The following DICER1 variants were observed in gnomAD, a reference collection of about 807,000 sequenced individuals.
DICER1 encodes dicer 1, ribonuclease III.
Under a neutral mutation model 194.1 loss-of-function variants are expected in DICER1, and 43 were observed. The observed-to-expected ratio is 0.22, with a 90% CI of 0.17 to 0.29. DICER1 has a LOEUF of 0.29. DICER1 is among the 10% of genes least tolerant of loss of function. The pLI is 1.00. For synonymous variants in DICER1, 832 were observed against 820.5 expected (o/e 1.01, Z -0.24); for missense variants, 1,608 against 2,317.0 (o/e 0.69, Z 6.28).
intron 5 of DICER1, among the ~76,000 whole-genome samples, 187 bp from the exon 6 acceptor site, chr14:95,129,819 A>T (rs1462339954): frequency 6.6e-6 from 1 of 152,180 alleles, no homozygotes; most frequent in Non-Finnish European, 1.5e-5. Flanking sequence ...TGTTTAAAAG[A>T]TCTGTTTTTC....
At chr14:95,148,966 ACT>A (rs1178508841) in intron 1 of DICER1, among the ~76,000 whole-genome samples, 3 of 143,762 alleles carry the variant, frequency 2.1e-5, no homozygotes, top group Non-Finnish European at 4.4e-5. Context: ...ACAGGGTCTC[ACT>A]CTGTCTATTT....
chr14:95,113,001 T>A (rs1892111325), intron 12 of DICER1, 91 bp downstream of exon 12: 15 of 1,361,202 alleles, frequency 1.1e-5, no homozygotes, highest in Non-Finnish European at 1.5e-5. Context: ...AAAATCAAAT[T>A]TACCTATAAC....
Position 95,105,606 on chromosome 14 carries a change from T to C in DICER1, c.3093+72A>G, listed in dbSNP as rs1891344308. 8.5e-7 allele frequency: 1 copy of C among 1,174,768 alleles called. No individual in the cohort carries two copies. Among genetic ancestry groups the C allele is most frequent in the South Asian group, 1.3e-5 (1 of 78,130 alleles). 72.8% of individuals were successfully genotyped at this position (1,174,768 alleles called of 1,614,324 possible). A position where few individuals can be genotyped will look rare whatever the true frequency, so the allele number is the denominator to read the frequency against. On this transcript the variant is annotated intron_variant, in intron 19 of 26. Transcript: ENST00000343455. The surrounding 1 kb of genome is among the most constrained non-coding windows in gnomAD (Gnocchi z 4.9). Reference sequence around the variant, plus strand: ...ATGCATTTAACTTGGTAAGATAAAATTCAAACTTATCTTTAATAATCTTTA... The same window carrying C: ...ATGCATTTAACTTGGTAAGATAAAACTCAAACTTATCTTTAATAATCTTTA...
chr14:95,095,666 GGAAAA>G (rs1890238290), intron 23 of DICER1, 154 bp downstream of exon 23: 2 of 849,614 alleles, frequency 2.4e-6, no homozygotes, highest in Non-Finnish European at 1.9e-6. Context: ...CAAATAACAA[GGAAAA>G]GAATTCTTTC....
intron 13 of DICER1, 98 bp from the exon 14 acceptor site, chr14:95,111,554 T>A: frequency 3.9e-6 from 5 of 1,288,000 alleles, no homozygotes; most frequent in Non-Finnish European, 5.6e-6. Context: ...CCTGGAAAAG[T>A]AATGGAAACT....
chr14:95,144,586 A>G (rs1181378292), intron 1 of DICER1, among the ~76,000 whole-genome samples: 1 of 152,180 alleles, frequency 6.6e-6, no homozygotes, highest in East Asian at 1.9e-4. Context: ...TAAACTCTTA[A>G]AATTTTATGA....
At chr14:95,141,873 T>C in intron 1 of DICER1, 1 of 152,194 alleles carries the variant, frequency 6.6e-6, no homozygotes, top group African/African-American at 2.4e-5. Flanking sequence ...AGACAATGCA[T>C]GTCTAAAAGA....
intron 7 of DICER1, 104 bp downstream of exon 7, chr14:95,126,470 TAAACTA>T: frequency 1.4e-6 from 1 of 726,140 alleles, no homozygotes; most frequent in Non-Finnish European, 2.3e-6. Flanking sequence ...ATTAAGACCT[TAAACTA>T]AAATGCAAAG....
intron 14 of DICER1, among the ~76,000 whole-genome samples, chr14:95,110,189 C>G (rs926655720): frequency 6.6e-6 from 1 of 152,086 alleles, no homozygotes; most frequent in African/African-American, 2.4e-5. Flanking sequence ...TAATATTAAG[C>G]ATTAAAATAA....
At chr14:95,154,880 A>C (rs1390583155) in intron 1 of DICER1, among the ~76,000 whole-genome samples, 1 of 152,166 alleles carries the variant, frequency 6.6e-6, no homozygotes, top group Non-Finnish European at 1.5e-5. Context: ...AAAAAAAAAA[A>C]ACAACTATCT....
Position 95,086,527 on chromosome 14 carries a change from C to A in DICER1, c.*3971G>T, listed in dbSNP as rs953283982. On this transcript the variant is annotated 3_prime_UTR_variant, in exon 27 of 27. Transcript: ENST00000343455. ...CTTTGCATTTTTGCTATGTAACCTG[C>A]TGCTGCAGTGAATTCTTAGTGCATC... 1 of 233,330 alleles carries A rather than the reference C, an allele frequency of 4.3e-6. No homozygotes were observed. The highest frequency in any genetic ancestry group is 8.5e-6 in the Non-Finnish European group (1 of 117,882). The allele number at this position is 233,330 out of a possible 1,614,324, so 14.5% of individuals were successfully genotyped here. A position where few individuals can be genotyped will look rare whatever the true frequency, so the allele number is the denominator to read the frequency against.
At chr14:95,156,036 C>G (rs970117969) in intron 1 of DICER1, among the ~76,000 whole-genome samples, 3 of 152,128 alleles carry the variant, frequency 2.0e-5, no homozygotes, top group African/African-American at 7.2e-5. Context: ...TGGCTTATCC[C>G]GAACCCATCT....
At chr14:95,156,893 A>C (rs1396548800) in intron 1 of DICER1, among the ~76,000 whole-genome samples, 2 of 152,170 alleles carry the variant, frequency 1.3e-5, no homozygotes, top group Admixed American at 6.5e-5. Flanking sequence ...GGGACCTGTC[A>C]AGAGCCCCAG....
intron 8 of DICER1, among the ~76,000 whole-genome samples, chr14:95,122,179 T>A (rs1287650800): frequency 1.3e-5 from 2 of 152,184 alleles, no homozygotes; most frequent in African/African-American, 4.8e-5. Flanking sequence ...ATTCATCTGA[T>A]CCTTAAAGTC....
chr14:95,118,961 A>G (rs1892722586), intron 8 of DICER1, among the ~76,000 whole-genome samples: 1 of 152,192 alleles, frequency 6.6e-6, no homozygotes, highest in African/African-American at 2.4e-5. Context: ...TCACGTACTT[A>G]AATATTCAGA....
Position 95,090,358 on chromosome 14 carries a change from T to C in DICER1, c.*140A>G. 1 of 913,656 alleles carries C rather than the reference T, an allele frequency of 1.1e-6. No individual in the cohort carries two copies. Among genetic ancestry groups the C allele is most frequent in the South Asian group, 1.4e-5 (1 of 69,530 alleles). 56.6% of individuals were successfully genotyped at this position (913,656 alleles called of 1,614,324 possible). ...GTTAAATGTTTTATTCTGTTATCTA[T>C]CCTGTTATCAACCAAACTTTAAATT... On this transcript the variant is annotated 3_prime_UTR_variant, in exon 27 of 27. Transcript: ENST00000343455.
chr14:95,114,841 T>C lies in DICER1; in HGVS notation c.1907+826A>G, dbSNP rs190795838. ...AAAATTTGTAACCTGGGTCTCATCA[T>C]AAGAAAATAGCAGACAAACCCAGAC... On this transcript the variant is annotated intron_variant, in intron 11 of 26. Transcript: ENST00000343455. Among the ~76,000 whole-genome samples the C allele has an allele frequency of 3.3e-4, 50 of 152,212 alleles. 1 individual carries two copies. In the East Asian group the frequency reaches 9.1e-3, roughly 28 times the overall value.
In DICER1 at chr14:95,086,705, T is replaced by C. The variant is rs1322810043; in HGVS notation, c.*3793A>G. 1 of 233,210 alleles carries C rather than the reference T, an allele frequency of 4.3e-6. No homozygotes were observed. The highest frequency in any genetic ancestry group is 8.5e-6 in the Non-Finnish European group (1 of 117,856). The allele number at this position is 233,210 out of a possible 1,614,324, so 14.4% of individuals were successfully genotyped here. On this transcript the variant is annotated 3_prime_UTR_variant, in exon 27 of 27. Transcript: ENST00000343455. ...GGTCTCAATGCAAATTTCCTAGATATTGCTATTGGCGTCTCCAACAACTTT... is the reference window on the plus strand; with the variant it reads ...GGTCTCAATGCAAATTTCCTAGATACTGCTATTGGCGTCTCCAACAACTTT...
In DICER1 at chr14:95,088,067, A is replaced by G. The variant is rs1889481599; in HGVS notation, c.*2431T>C. ...GTACTTTTTTATTTTTTAACTCAGTAACCAGGGGATCACAGAATGCTTCAA... is the reference window on the plus strand; with the variant it reads ...GTACTTTTTTATTTTTTAACTCAGTGACCAGGGGATCACAGAATGCTTCAA... On this transcript the variant is annotated 3_prime_UTR_variant, in exon 27 of 27. Transcript: ENST00000343455. 1 of 232,986 alleles carries G rather than the reference A, an allele frequency of 4.3e-6. No individual in the cohort carries two copies. Among genetic ancestry groups the G allele is most frequent in the East Asian group, 6.1e-5 (1 of 16,480 alleles). The allele number at this position is 232,986 out of a possible 1,614,324, so 14.4% of individuals were successfully genotyped here.
Sources: allele counts gnomAD v4.1 joint callset (sites outside exome capture counted in the v4.1 genomes callset), GRCh38; gene constraint gnomAD v4.1.1; non-coding constraint Gnocchi (gnomAD v3.1); transcripts MANE v1.5; gene names NCBI Gene and HGNC (gene_info 2026-07-23, HGNC 2026-07-21).